The following FOXP1 variants were observed in gnomAD, a reference collection of about 807,000 sequenced individuals.
FOXP1 encodes the protein forkhead box protein P1.
A neutral mutation model predicts 98.2 loss-of-function variants in FOXP1; 15 were observed. The observed-to-expected ratio is 0.15, with a 90% CI of 0.10 to 0.24. The LOEUF is 0.24. FOXP1 is among the 10% of genes least tolerant of loss of function. The pLI is 1.00. For missense variants in FOXP1, 633 were observed against 848.5 expected, an observed-to-expected ratio of 0.75 and a Z score of 3.15; for synonymous variants, 371 against 314.5, an observed-to-expected ratio of 1.18 and a Z score of -1.90.
chr3:71,489,539 A>G (rs9654024), intron 3 of FOXP1, among the ~76,000 whole-genome samples: 10,667 of 152,236 alleles, frequency 0.07, 457 homozygotes, highest in South Asian at 0.12. Flanking sequence ...ACTGTGGCTA[A>G]CTGCCGATTA....
At chr3:71,485,210 G>T (rs999109855) in intron 3 of FOXP1, among the ~76,000 whole-genome samples, 8 of 152,108 alleles carry the variant, frequency 5.3e-5, no homozygotes, top group African/African-American at 1.9e-4. Context: ...GTTTATCAAC[G>T]ACTAGATTAG....
At chr3:71,478,399 TGAACTCTCTCTTGTGAA>T (rs2090018671) in intron 3 of FOXP1, among the ~76,000 whole-genome samples, 1 of 152,152 alleles carries the variant, frequency 6.6e-6, no homozygotes, top group African/African-American at 2.4e-5. Flanking sequence ...GGGGCCACCA[TGAACTCTCTCTTGTGAA>T]GTTTGCCAAG....
In FOXP1 at chr3:71,241,335, G is replaced by A. The variant is rs531486790; in HGVS notation, c.-11-42943C>T. On this transcript the variant is annotated intron_variant, in intron 5 of 20. Coordinates refer to ENST00000649528, the MANE Select transcript of FOXP1 (RefSeq NM_001349338.3). The stretch of plus-strand genomic sequence containing the variant: ...AATTTGTGACCATAAACTACAGAAC[G>A]GTGGGGGAAAAGCCATCATTTTAAA... 1.1e-4 allele frequency among the ~76,000 whole-genome samples: 17 copies of A among 152,220 alleles called. No homozygotes were observed. The East Asian group carries it at 2.9e-3, about 26-fold the overall frequency.
chr3:70,990,537 T>C (rs2040442821), intron 13 of FOXP1, among the ~76,000 whole-genome samples: 1 of 152,210 alleles, frequency 6.6e-6, no homozygotes, highest in Non-Finnish European at 1.5e-5. Context: ...TTAGCAAGCA[T>C]ATTCCAGCAT....
chr3:71,121,369 G>T (rs1219178223), intron 6 of FOXP1, among the ~76,000 whole-genome samples: 2 of 126,362 alleles, frequency 1.6e-5, no homozygotes, highest in African/African-American at 6.1e-5. Context: ...CATGACACCA[G>T]AAAAAAAAAA....
intron 6 of FOXP1, among the ~76,000 whole-genome samples, chr3:71,113,184 C>T (rs1170803822): frequency 1.3e-5 from 2 of 152,024 alleles, no homozygotes; most frequent in Non-Finnish European, 1.5e-5. Context: ...ATGAGACATA[C>T]CTAGGATGAC....
chr3:71,052,532 G>C lies in FOXP1; in HGVS notation c.510+5C>G. 1 of 1,129,596 alleles carries C rather than the reference G, an allele frequency of 8.9e-7. No individual in the cohort carries two copies. The highest frequency in any genetic ancestry group is 1.5e-5 in the African/African-American group (1 of 66,006). The allele number at this position is 1,129,596 out of a possible 1,614,324, so 70.0% of individuals were successfully genotyped here. On this transcript the variant is annotated splice_donor_5th_base_variant and intron_variant, in intron 9 of 20. Coordinates refer to ENST00000649528, the MANE Select transcript of FOXP1 (RefSeq NM_001349338.3). ...GTTTGAAAGTAAAATATGTATTGTC[G>C]GTACCTCTTTAGGCTGTTTTCCAGC...
chr3:71,504,906 A>C (rs1254191788), intron 2 of FOXP1, among the ~76,000 whole-genome samples: 1 of 152,184 alleles, frequency 6.6e-6, no homozygotes. Flanking sequence ...CACATGAGGT[A>C]CTCTGTCCAT....
intron 3 of FOXP1, among the ~76,000 whole-genome samples, chr3:71,365,207 G>C (rs1482931541): frequency 3.9e-5 from 6 of 152,136 alleles, no homozygotes; most frequent in Admixed American, 3.9e-4. Context: ...ATAGACTCTG[G>C]TCAGCACTTT....
At chr3:71,514,540 T>A (rs2042421952) in intron 2 of FOXP1, among the ~76,000 whole-genome samples, 2 of 152,252 alleles carry the variant, frequency 1.3e-5, no homozygotes, top group African/African-American at 2.4e-5. Context: ...TGGAACAGTG[T>A]CATGTACAAA....
At chr3:71,468,399 C>T (rs998289043) in intron 3 of FOXP1, among the ~76,000 whole-genome samples, 2 of 152,140 alleles carry the variant, frequency 1.3e-5, no homozygotes, top group African/African-American at 4.8e-5. Context: ...GTTCCAGAGT[C>T]GGGCTACCTT....
chr3:70,964,468 T>C (rs1308929989), intron 20 of FOXP1, among the ~76,000 whole-genome samples: 1 of 152,230 alleles, frequency 6.6e-6, no homozygotes, highest in Non-Finnish European at 1.5e-5. Flanking sequence ...TTATGAGAAA[T>C]AGCATCACTT....
intron 5 of FOXP1, among the ~76,000 whole-genome samples, chr3:71,258,472 G>T (rs1409027515): frequency 1.3e-5 from 2 of 152,206 alleles, no homozygotes; most frequent in Non-Finnish European, 2.9e-5. Context: ...TGAACTCCCA[G>T]CAGAGGGCCA....
At chr3:71,021,481 C>T (rs1290158665) in intron 11 of FOXP1, among the ~76,000 whole-genome samples, 1 of 152,126 alleles carries the variant, frequency 6.6e-6, no homozygotes, top group Non-Finnish European at 1.5e-5. Flanking sequence ...TTGGCTATTG[C>T]GAGTAGTGCT....
chr3:71,232,963 G>GACTACT (rs1024408015), intron 5 of FOXP1, among the ~76,000 whole-genome samples: 1 of 142,280 alleles, frequency 7.0e-6, no homozygotes, highest in Non-Finnish European at 1.5e-5. Flanking sequence ...CCACCACCAC[G>GACTACT]ACTACTACTA....
rs115646616 is a variant in FOXP1, at chr3:71,226,850, A to C, written c.-11-28458T>G. Among the ~76,000 whole-genome samples, 1,397 of 152,096 alleles carry C rather than the reference A, an allele frequency of 9.2e-3. 25 individuals carry two copies. The highest frequency in any genetic ancestry group is 0.032 in the African/African-American group (1,330 of 41,468). On this transcript the variant is annotated intron_variant, in intron 5 of 20. Transcript: ENST00000649528. The stretch of plus-strand genomic sequence containing the variant: ...TGCAAGGGCACTAAGTGCGCTGTTC[A>C]CCGGCCAAGAAGAGGGATCCTGTAC...
Position 70,959,016 on chromosome 3 carries a change from A to G in FOXP1, c.*231T>C, listed in dbSNP as rs1005939880. 1 of 509,532 alleles carries G rather than the reference A, an allele frequency of 2.0e-6. No homozygotes were observed. The highest frequency in any genetic ancestry group is 3.5e-6 in the Non-Finnish European group (1 of 282,122). 31.6% of individuals were successfully genotyped at this position (509,532 alleles called of 1,614,324 possible). On this transcript the variant is annotated 3_prime_UTR_variant, in exon 21 of 21. Coordinates refer to ENST00000649528, the MANE Select transcript of FOXP1 (RefSeq NM_001349338.3). ...CCCAAGTACCAAACAAGTCCATCCA[A>G]TGCACAGAGTACAAATTCCTTTTTT...
chr3:71,103,903 A>T (rs1352813575), intron 7 of FOXP1, among the ~76,000 whole-genome samples: 1 of 152,094 alleles, frequency 6.6e-6, no homozygotes, highest in African/African-American at 2.4e-5. Flanking sequence ...CCCCCTTTCA[A>T]CCACAGACGA....
At chr3:71,141,176 G>A (rs993196060) in intron 6 of FOXP1, among the ~76,000 whole-genome samples, 1 of 148,174 alleles carries the variant, frequency 6.7e-6, no homozygotes, top group African/African-American at 2.5e-5. Flanking sequence ...GCTGAGGCAG[G>A]ACAATCAGTT....
Sources: gnomAD v4.1 joint callset for allele counts (sites outside exome capture counted in the v4.1 genomes callset) on GRCh38, gnomAD v4.1.1 for gene constraint, MANE v1.5 for transcripts, NCBI Gene and HGNC (gene_info 2026-07-23, HGNC 2026-07-21) for gene names.